Variants in CLVS1 observed in about 807,000 individuals in gnomAD.
CLVS1 encodes clavesin-1.
In CLVS1, 10 loss-of-function variants were observed where a neutral mutation model predicts 33.1. The observed-to-expected ratio is 0.30, with a 90% CI of 0.19 to 0.51. The LOEUF (loss-of-function observed/expected upper bound fraction) is 0.51, where lower values mean the gene tolerates loss of function less well. Ranked by LOEUF, CLVS1 falls within the 20% of genes least tolerant of loss-of-function variation. CLVS1 has a pLI of 0.97. For missense variants in CLVS1, 343 were observed against 433.4 expected (o/e 0.79, Z 1.85); for synonymous variants, 163 against 166.1 (o/e 0.98, Z 0.14).
chr8:61,484,583 G>GA (rs1563575357), intron 5 of CLVS1, among the ~76,000 whole-genome samples: 3 of 152,064 alleles, frequency 2.0e-5, no homozygotes, highest in Admixed American at 6.5e-5. Context: ...CACAGAATTG[G>GA]AAAAAACTAC....
At chr8:61,074,407 ATATAAG>A (rs981808702) in intron 1 of CLVS1, among the ~76,000 whole-genome samples, 5 of 139,870 alleles carry the variant, frequency 3.6e-5, no homozygotes, top group South Asian at 2.2e-4. Context: ...TGTTATATAT[ATATAAG>A]TATATGTGTA....
In CLVS1 at chr8:61,362,825, T is replaced by C. The variant is rs534792858; in HGVS notation, c.456-13780T>C. On this transcript the variant is annotated intron_variant, in intron 2 of 5. Coordinates refer to ENST00000325897, the MANE Select transcript of CLVS1 (RefSeq NM_173519.3). The stretch of plus-strand genomic sequence containing the variant: ...CCCCAAGCTTTCCTGATACTTCAGC[T>C]TGCTGCAGTCAGCAATTACTTACAA... 6.6e-5 allele frequency among the ~76,000 whole-genome samples: 10 copies of C among 152,328 alleles called. 1 individual carries two copies. Among genetic ancestry groups the C allele is most frequent in the South Asian group, 4.1e-4 (2 of 4,826 alleles).
chr8:61,473,361 A>T (rs2129607817), intron 5 of CLVS1, among the ~76,000 whole-genome samples: 1 of 151,692 alleles, frequency 6.6e-6, no homozygotes, highest in East Asian at 1.9e-4. Flanking sequence ...AAAAAAAAAA[A>T]AAAGACCAGA....
At position 61,178,848 on chromosome 8, in the gene CLVS1, A is replaced by T. The variant is rs541052790; in HGVS notation, c.-152+46988A>T. 1.1e-3 allele frequency among the ~76,000 whole-genome samples: 173 copies of T among 152,344 alleles called. 1 individual carries two copies. Among genetic ancestry groups the T allele is most frequent in the African/African-American group, 3.9e-3 (163 of 41,580 alleles). ...CTTGCAAGAGCTCCTGAAAAAAATC[A>T]CTAAATATGGAAAGGAAAAACCAGT... On this transcript the variant is annotated intron_variant, in intron 2 of 2. Transcript: ENST00000522621.
At chr8:61,110,645 C>T (rs903426753) in intron 1 of CLVS1, among the ~76,000 whole-genome samples, 2 of 152,132 alleles carry the variant, frequency 1.3e-5, no homozygotes, top group Non-Finnish European at 2.9e-5. Flanking sequence ...TAGTGTAGAA[C>T]TTTTTCACCT....
intron 1 of CLVS1, among the ~76,000 whole-genome samples, chr8:61,061,181 G>T (rs1804577227): frequency 6.6e-6 from 1 of 152,104 alleles, no homozygotes; most frequent in Admixed American, 6.5e-5. Flanking sequence ...CTGATCACTG[G>T]CAAACAATTT....
At chr8:61,497,084 C>A (rs1804290969) in intron 5 of CLVS1, among the ~76,000 whole-genome samples, 1 of 152,098 alleles carries the variant, frequency 6.6e-6, no homozygotes, top group Non-Finnish European at 1.5e-5. Flanking sequence ...TAGAACAATA[C>A]CATGCACAAA....
chr8:61,031,770 A>T, the CLVS1 span, among the ~76,000 whole-genome samples: 12 of 152,190 alleles, frequency 7.9e-5, no homozygotes, highest in Non-Finnish European at 1.3e-4. Flanking sequence ...TTTACCAACG[A>T]TGTCCTCTGT....
chr8:61,133,769 C>T (rs1158928983), intron 2 of CLVS1, among the ~76,000 whole-genome samples: 1 of 152,114 alleles, frequency 6.6e-6, no homozygotes, highest in African/African-American at 2.4e-5. Context: ...GATGAAGGCA[C>T]TGGCCCTGGG....
At chr8:61,056,383 G>A (rs1804473709), upstream of CLVS1, among the ~76,000 whole-genome samples, 1 of 151,976 alleles carries the variant, frequency 6.6e-6, no homozygotes. Context: ...TAACATCTTG[G>A]TCTCCAATAA....
rs1563389429 is a variant in CLVS1 at position 61,064,536 on chromosome 8, C to CTTTTTTTTTTTTTTTTTTTTTTT, written c.-243+7306_-243+7307insTTTTTTTTTTTTTTTTTTTTTTT. On this transcript the variant is annotated intron_variant, in intron 1 of 2. Coordinates refer to the CLVS1 transcript ENST00000522621. ...GAAATGTCTATTCAAGTTCTTTGCC[C>CTTTTTTTTTTTTTTTTTTTTTTT]ATTTTTTTTTTTTTTTTTTTTGAGA... 2.1e-5 allele frequency among the ~76,000 whole-genome samples: 3 copies of CTTTTTTTTTTTTTTTTTTTTTTT among 141,444 alleles called. 1 individual carries two copies. Among genetic ancestry groups the CTTTTTTTTTTTTTTTTTTTTTTT allele is most frequent in the South Asian group, 2.2e-4 (1 of 4,524 alleles). 92.8% of individuals were successfully genotyped at this position (141,444 alleles called of 152,430 possible).
intron 3 of CLVS1, among the ~76,000 whole-genome samples, chr8:61,452,217 C>T (rs1365878072): frequency 6.6e-6 from 1 of 152,164 alleles, no homozygotes; most frequent in South Asian, 2.1e-4. Flanking sequence ...TAAACTAAAA[C>T]TAAGAATGTC....
intron 1 of CLVS1, among the ~76,000 whole-genome samples, chr8:61,290,645 G>C (rs543791984): frequency 6.6e-6 from 1 of 152,120 alleles, no homozygotes; most frequent in East Asian, 1.9e-4. Flanking sequence ...ACAACTTGAC[G>C]TACTCCCTGA....
intron 2 of CLVS1, among the ~76,000 whole-genome samples, chr8:61,239,248 G>A (rs750396525): frequency 6.6e-6 from 1 of 152,094 alleles, no homozygotes; most frequent in Non-Finnish European, 1.5e-5. Flanking sequence ...CCCTAGGGTT[G>A]TACATTGTAG....
chr8:61,393,285 G>A (rs116040231), intron 3 of CLVS1, among the ~76,000 whole-genome samples: 4,216 of 151,724 alleles, frequency 0.028, 88 homozygotes, highest in African/African-American at 0.051. Context: ...ATATTTCTTC[G>A]AAGATTTTTT....
rs16927045 is a variant in CLVS1 at position 61,234,978 on chromosome 8, T to G, written c.-151-64699T>G. ...CATACAGTTCTAGGCAACTTTGGAA[T>G]GATCATTGTCATCCCAAACAAAGTG... On this transcript the variant is annotated intron_variant, in intron 2 of 2. Transcript: ENST00000522621. Among the ~76,000 whole-genome samples, 1,517 of 152,308 alleles carry G rather than the reference T, an allele frequency of 1.0e-2. 33 individuals are homozygous for G. The highest frequency in any genetic ancestry group is 0.034 in the African/African-American group (1,407 of 41,558).
chr8:61,492,831 A>G (rs1199887019), intron 5 of CLVS1, among the ~76,000 whole-genome samples: 1 of 152,156 alleles, frequency 6.6e-6, no homozygotes, highest in Admixed American at 6.6e-5. Flanking sequence ...TAAAAAAATT[A>G]TTTATCGGGT....
Position 61,348,338 on chromosome 8 carries a change from G to C in CLVS1, c.456-28267G>C, listed in dbSNP as rs564782245. Among the ~76,000 whole-genome samples the C allele has an allele frequency of 8.3e-5, 12 of 145,402 alleles. No homozygotes were observed. In the South Asian group the frequency reaches 2.4e-3, roughly 29 times the overall value. On this transcript the variant is annotated intron_variant, in intron 2 of 5. Transcript: ENST00000325897. The stretch of plus-strand genomic sequence containing the variant: ...ACACACTGGGGCCTGTCATGGAGTG[G>C]GGGGAGGGGGGAGGGATAGCATTAG...
chr8:61,087,387 GA>G (rs1368704732), intron 1 of CLVS1, among the ~76,000 whole-genome samples: 1 of 152,184 alleles, frequency 6.6e-6, no homozygotes, highest in Admixed American at 6.5e-5. Context: ...GTCAGGTCTA[GA>G]ATTTGCCATG....
Sources: gnomAD v4.1 joint callset for allele counts (sites outside exome capture counted in the v4.1 genomes callset) on GRCh38, gnomAD v4.1.1 for gene constraint, MANE v1.5 for transcripts, NCBI Gene and HGNC (gene_info 2026-07-23, HGNC 2026-07-21) for gene names.